PRDM16: variants seen among roughly 807,000 people sequenced by gnomAD.
PRDM16 encodes the protein PR/SET domain 16.
PRDM16 carries 23 observed loss-of-function variants against 110.6 expected under a neutral mutation model. That is an observed-to-expected ratio of 0.21 (90% CI 0.15 to 0.29). PRDM16 has a LOEUF of 0.29. PRDM16 is among the 10% of genes least tolerant of loss of function. The pLI is 1.00. For missense variants in PRDM16, 1,615 were observed against 1,794.3 expected, an observed-to-expected ratio of 0.90 and a Z score of 1.81; for synonymous variants, 799 against 781.8, an observed-to-expected ratio of 1.02 and a Z score of -0.37.
Position 3,186,151 on chromosome 1 carries a change from T to C in PRDM16, c.64T>C (p.Tyr22His). 1 of 1,612,700 alleles carries C rather than the reference T, an allele frequency of 6.2e-7. No homozygotes were observed. Among genetic ancestry groups the C allele is most frequent in the Non-Finnish European group, 8.5e-7 (1 of 1,179,890 alleles). ...KSDGDVVNNM[Y>H]EPNRDLLASH... ...TGACGGTGACGTTGTAAATAATATG[T>C]ATGAGCCCAACCGGGACCTGCTGGC... The change falls in exon 2 of 17, where the codon TAT becomes CAT. Residue 22 changes from tyrosine (Y) to histidine (H), a missense_variant. Physicochemically the swap from Tyr to His is moderately conservative, Grantham distance 83. This residue lies in a region of PRDM16 where 416 missense variants were observed against 467.1 expected (regional missense o/e 0.89). Transcript: ENST00000270722.
intron 1 of PRDM16, among the ~76,000 whole-genome samples, chr1:3,151,784 C>A (rs1193053731): frequency 2.6e-5 from 4 of 152,304 alleles, no homozygotes; most frequent in Admixed American, 2.6e-4. Context: ...AGAAGAGAGC[C>A]CAACTGTGGG....
chr1:3,294,809 C>T (rs958633804), intron 3 of PRDM16, among the ~76,000 whole-genome samples: 1 of 152,222 alleles, frequency 6.6e-6, no homozygotes, highest in East Asian at 1.9e-4. Context: ...GTCCTGATCA[C>T]GGGCACGGCC....
At chr1:3,372,365 A>C (rs1642921283) in intron 3 of PRDM16, among the ~76,000 whole-genome samples, 1 of 152,254 alleles carries the variant, frequency 6.6e-6, no homozygotes, top group Admixed American at 6.5e-5. Flanking sequence ...GCCCATCATG[A>C]AGAATTCCTC....
At chr1:3,313,042 G>A (rs560533560) in intron 3 of PRDM16, among the ~76,000 whole-genome samples, 1 of 152,352 alleles carries the variant, frequency 6.6e-6, no homozygotes, top group African/African-American at 2.4e-5. Context: ...TTCACACGTG[G>A]TGTACACACA....
intron 1 of PRDM16, among the ~76,000 whole-genome samples, chr1:3,164,001 G>C (rs896909651): frequency 6.6e-6 from 1 of 152,174 alleles, no homozygotes; most frequent in African/African-American, 2.4e-5. Flanking sequence ...TGCCACCAAG[G>C]CCCTGCTGGA....
At chr1:3,094,641 C>A (rs1464505101) in intron 1 of PRDM16, among the ~76,000 whole-genome samples, 1 of 152,248 alleles carries the variant, frequency 6.6e-6, no homozygotes, top group South Asian at 2.1e-4. Context: ...TGCTGATGAC[C>A]AGGAATATGT....
In PRDM16 at chr1:3,350,285, C is replaced by A. The variant is rs2483290; in HGVS notation, c.439-34867C>A. 0.03 allele frequency among the ~76,000 whole-genome samples: 4,593 copies of A among 152,240 alleles called. 60 individuals are homozygous for A. Among genetic ancestry groups the A allele is most frequent in the Middle Eastern group, 0.037 (11 of 294 alleles). ...GGGCTACAGAGAGCTGTGATCACAC[C>A]ACTATACTCCAGCCTGGGCGAGAGA... On this transcript the variant is annotated intron_variant, in intron 3 of 16. Transcript: ENST00000270722. The surrounding 1 kb of genome is among the most constrained non-coding windows in gnomAD (Gnocchi z 7.1).
intron 1 of PRDM16, among the ~76,000 whole-genome samples, chr1:3,129,932 G>C (rs1395584916): frequency 6.6e-6 from 1 of 152,106 alleles, no homozygotes. Flanking sequence ...CCCCAGCAGG[G>C]TCTCAGCCAT....
Position 3,176,709 on chromosome 1 carries a change from TATCCATCCATCC to T in PRDM16, c.38-9392_38-9381del, listed in dbSNP as rs111683546. On this transcript the variant is annotated intron_variant, in intron 1 of 16. Coordinates refer to ENST00000270722, the MANE Select transcript of PRDM16 (RefSeq NM_022114.4). ...TGCATTCATCCACCATCTGTCCATC[TATCCATCCATCC>T]ATCCATCCATCCATCCATCCATCTA... 2.8e-5 allele frequency among the ~76,000 whole-genome samples: 4 copies of T among 144,018 alleles called. No individual in the cohort carries two copies. The South Asian group carries it at 6.9e-4, about 25-fold the overall frequency. 94.5% of individuals were successfully genotyped at this position (144,018 alleles called of 152,430 possible). A position where few individuals can be genotyped will look rare whatever the true frequency, so the allele number is the denominator to read the frequency against.
chr1:3,360,932 C>A (rs1309170706), intron 3 of PRDM16, among the ~76,000 whole-genome samples: 2 of 152,212 alleles, frequency 1.3e-5, no homozygotes, highest in African/African-American at 2.4e-5. Context: ...CGGGTGCCGT[C>A]CCGCGGCGGG....
chr1:3,203,517 CT>C lies in PRDM16; in HGVS notation c.387+17044del, dbSNP rs150812451. Among the ~76,000 whole-genome samples the C allele has an allele frequency of 9.1e-3, 1,380 of 152,288 alleles. 91 individuals are homozygous for C. In the East Asian group the frequency reaches 0.16, roughly 18 times the overall value. The stretch of plus-strand genomic sequence containing the variant: ...TGGCAGGTCCGGAGGCCAGAAGCCC[CT>C]GATGGAGGTGTTGGCCTCACTCCCG... On this transcript the variant is annotated intron_variant, in intron 2 of 16. Coordinates refer to ENST00000270722, the MANE Select transcript of PRDM16 (RefSeq NM_022114.4).
chr1:3,178,375 G>A (rs2100773649), intron 1 of PRDM16, among the ~76,000 whole-genome samples: 1 of 152,226 alleles, frequency 6.6e-6, no homozygotes, highest in South Asian at 2.1e-4. Context: ...CCTCCGCACA[G>A]CCCCAAACCC....
rs369539275 is a variant in PRDM16, at chr1:3,186,196, G to A, written c.109G>A (p.Glu37Lys). The stretch of plus-strand genomic sequence containing the variant: ...GCTGGCCAGCCACAGCGCGGAGGAC[G>A]AGGCCGAGGACAGTGCCATGTCGCC... ...DLLASHSAED[E>K]AEDSAMSPIP... The change falls in exon 2 of 17, where the codon GAG becomes AAG. Residue 37 changes from glutamate (E) to lysine (K), a missense_variant. Glu to Lys is a moderately conservative substitution (Grantham distance 56, BLOSUM62 1). Transcript: ENST00000270722. 1.6e-5 allele frequency: 26 copies of A among 1,612,762 alleles called. No individual in the cohort carries two copies. Among genetic ancestry groups the A allele is most frequent in the East Asian group, 1.3e-4 (6 of 44,896 alleles).
At chr1:3,083,388 C>T (rs528367775) in intron 1 of PRDM16, among the ~76,000 whole-genome samples, 9 of 152,330 alleles carry the variant, frequency 5.9e-5, no homozygotes, top group South Asian at 4.1e-4. Context: ...GCTGGCGGGG[C>T]CTGCTGTGTG....
chr1:3,427,750 G>C (rs536737915), intron 14 of PRDM16, among the ~76,000 whole-genome samples: 4 of 152,054 alleles, frequency 2.6e-5, no homozygotes, highest in Non-Finnish European at 5.9e-5. Context: ...AGGAAGGGGC[G>C]GGGGGAGAAG....
Position 3,390,159 on chromosome 1 carries a change from G to A in PRDM16, c.573+4873G>A, listed in dbSNP as rs1643274293. Among the ~76,000 whole-genome samples the A allele has an allele frequency of 6.6e-6, 1 of 152,226 alleles. No homozygotes were observed. The stretch of plus-strand genomic sequence containing the variant: ...CTTGGCGATGAAGCGCCTGCGGGGG[G>A]ATGCGGGAGGCAGGGAGGAGCTGTC... On this transcript the variant is annotated intron_variant, in intron 4 of 16. Coordinates refer to ENST00000270722, the MANE Select transcript of PRDM16 (RefSeq NM_022114.4). This position sits in a 1 kb window ranked among gnomAD's most constrained non-coding sequence, Gnocchi z 5.0.
At chr1:3,136,957 G>C (rs1643450885) in intron 1 of PRDM16, among the ~76,000 whole-genome samples, 1 of 152,226 alleles carries the variant, frequency 6.6e-6, no homozygotes, top group South Asian at 2.1e-4. Context: ...GCTCTGGGCT[G>C]GAGAGAGGCT....
At chr1:3,127,013 C>A (rs1012421271) in intron 1 of PRDM16, among the ~76,000 whole-genome samples, 1 of 152,316 alleles carries the variant, frequency 6.6e-6, no homozygotes, top group Middle Eastern at 3.4e-3. Flanking sequence ...GGGTCCTGTC[C>A]TCACACTCTG....
At chr1:3,403,069 CCCTCCTCTGAGTCTT>C (rs1437251707) in intron 6 of PRDM16, 71 bp downstream of exon 6, 5 of 1,254,904 alleles carry the variant, frequency 4.0e-6, no homozygotes, top group Non-Finnish European at 4.4e-6. Context: ...CCTTCCCGTG[CCCTCCTCTGAGTCTT>C]CCTCCCCTCC....
Sources: gnomAD v4.1 joint callset for allele counts (sites outside exome capture counted in the v4.1 genomes callset) on GRCh38, gnomAD v4.1.1 for gene constraint, gnomAD v4.1.1 regional missense constraint, Gnocchi (gnomAD v3.1) non-coding constraint, MANE v1.5 for transcripts, NCBI Gene and HGNC (gene_info 2026-07-23, HGNC 2026-07-21) for gene names.